PCDHA9: variants seen among roughly 807,000 people sequenced by gnomAD.
PCDHA9 encodes protocadherin alpha 9.
In PCDHA9, 62 loss-of-function variants were observed where a neutral mutation model predicts 62.0. That is an observed-to-expected ratio of 1.00 (90% confidence interval 0.81 to 1.23). The LOEUF (loss-of-function observed/expected upper bound fraction) is 1.23, where lower values mean the gene tolerates loss of function less well. Ranked by LOEUF, PCDHA9 falls within the 50% of genes most tolerant of loss-of-function variation. The probability of loss-of-function intolerance (pLI) is 0.00; values close to 1 mark genes in which losing one functional copy is unlikely to be tolerated. For missense variants in PCDHA9, 1,205 were observed against 1,249.8 expected, an observed-to-expected ratio of 0.96 and a Z score of 0.54; for synonymous variants, 557 against 567.6, an observed-to-expected ratio of 0.98 and a Z score of 0.27.
intron 1 of PCDHA9, chr5:140,884,079 A>G (rs2059982825): frequency 5.6e-6 from 9 of 1,613,504 alleles, no homozygotes; most frequent in South Asian, 3.3e-5. Context: ...TCGGGCTACA[A>G]TGCGTGGCTT....
intron 3 of PCDHA9, among the ~76,000 whole-genome samples, chr5:140,994,613 G>A (rs1452021453): frequency 2.0e-5 from 3 of 152,082 alleles, no homozygotes; most frequent in Admixed American, 6.5e-5. Flanking sequence ...GCTGAGGCAC[G>A]AGAGTCACTT....
chr5:140,926,892 G>A (rs781956892), intron 1 of PCDHA9: 10 of 1,546,640 alleles, frequency 6.5e-6, no homozygotes, highest in African/African-American at 2.7e-5. Context: ...CTAGAGGGAG[G>A]ATGGTGGGCT....
chr5:141,008,199 T>G (rs966441661), intron 3 of PCDHA9, among the ~76,000 whole-genome samples: 3 of 152,338 alleles, frequency 2.0e-5, no homozygotes, highest in Admixed American at 2.0e-4. Flanking sequence ...AGTAATATAA[T>G]GAACTTGACA....
intron 1 of PCDHA9, among the ~76,000 whole-genome samples, chr5:140,943,827 A>T (rs1474835023): frequency 2.0e-5 from 3 of 152,208 alleles, no homozygotes; most frequent in Non-Finnish European, 4.4e-5. Flanking sequence ...AAATGAGTTG[A>T]TTGAAGTTGT....
chr5:140,990,956 G>T (rs1179435982), intron 3 of PCDHA9, among the ~76,000 whole-genome samples: 1 of 152,136 alleles, frequency 6.6e-6, no homozygotes, highest in Non-Finnish European at 1.5e-5. Context: ...TGTAGAAATA[G>T]TCTCTTAGAA....
At chr5:140,920,107 C>A (rs1480708499) in intron 1 of PCDHA9, among the ~76,000 whole-genome samples, 1 of 152,300 alleles carries the variant, frequency 6.6e-6, no homozygotes, top group Non-Finnish European at 1.5e-5. Flanking sequence ...GGGAGTGCAA[C>A]CTTGCCAACA....
At chr5:140,968,229 TC>T in intron 1 of PCDHA9, 2 of 1,613,970 alleles carry the variant, frequency 1.2e-6, no homozygotes, top group Non-Finnish European at 1.7e-6. Flanking sequence ...GGTGTGTTGC[TC>T]TGTACTGTGC....
intron 1 of PCDHA9, among the ~76,000 whole-genome samples, chr5:140,961,617 C>T (rs781986571): frequency 2.0e-5 from 3 of 152,086 alleles, no homozygotes; most frequent in Non-Finnish European, 4.4e-5. Context: ...AACTAAAGTG[C>T]CCATATGAAA....
chr5:140,928,959 T>C (rs782250969), intron 1 of PCDHA9: 1 of 1,613,980 alleles, frequency 6.2e-7, no homozygotes, highest in South Asian at 1.1e-5. Context: ...TTGCCTTGGC[T>C]TGTATTTCCT....
intron 3 of PCDHA9, among the ~76,000 whole-genome samples, chr5:141,007,673 A>C (rs2098339698): frequency 6.6e-6 from 1 of 152,136 alleles, no homozygotes; most frequent in African/African-American, 2.4e-5. Flanking sequence ...ACAAAGACAA[A>C]AGTTATCCTA....
At chr5:140,862,635 C>G in intron 1 of PCDHA9, 1 of 538,778 alleles carries the variant, frequency 1.9e-6, no homozygotes, top group Non-Finnish European at 3.8e-6. Context: ...GCTGCCACGA[C>G]TTCACAGTGT....
intron 1 of PCDHA9, among the ~76,000 whole-genome samples, chr5:140,977,625 T>A (rs2096768746): frequency 6.6e-6 from 1 of 152,144 alleles, no homozygotes; most frequent in Non-Finnish European, 1.5e-5. Flanking sequence ...ATCCCAGAGT[T>A]GTAACTTTTT....
At chr5:140,903,616 T>C (rs1053634742) in intron 1 of PCDHA9, among the ~76,000 whole-genome samples, 72 of 152,338 alleles carry the variant, frequency 4.7e-4, no homozygotes, top group African/African-American at 1.7e-3. Context: ...CACATGAATG[T>C]GCATGCATAT....
At chr5:140,871,293 G>T (rs1206433527) in intron 1 of PCDHA9, 5 of 1,613,794 alleles carry the variant, frequency 3.1e-6, no homozygotes, top group Admixed American at 1.7e-5. Flanking sequence ...CTGAGGGCGC[G>T]TGCGCGCCGG....
intron 1 of PCDHA9, among the ~76,000 whole-genome samples, chr5:140,855,633 AT>A (rs1445956184): frequency 6.7e-6 from 1 of 149,874 alleles, no homozygotes; most frequent in Non-Finnish European, 1.5e-5. Flanking sequence ...AAATTCGGCT[AT>A]TGATAATCAT....
chr5:140,951,150 ATAGT>A (rs33995910), intron 1 of PCDHA9, among the ~76,000 whole-genome samples: 85,202 of 151,324 alleles, frequency 0.56, 24,547 homozygotes, highest in African/African-American at 0.69. Context: ...CTTATTGAAT[ATAGT>A]TATAGTAGCT....
rs2040584005 is a variant in PCDHA9 at position 140,848,752 on chromosome 5, T to C, written c.257T>C (p.Val86Ala). The C allele has an allele frequency of 1.3e-6, 2 of 1,593,188 alleles. No homozygotes were observed. The highest frequency in any genetic ancestry group is 1.7e-6 in the Non-Finnish European group (2 of 1,163,992). The part of the protein sequence containing the change: ...EVNLQNGILF[V>A]NSRIDREELC... Reference sequence around the variant, plus strand: ...AATCTGCAGAATGGCATTTTGTTTGTGAATTCTCGGATCGACCGCGAGGAG... The same window carrying C: ...AATCTGCAGAATGGCATTTTGTTTGCGAATTCTCGGATCGACCGCGAGGAG... Residue 86 changes from valine to alanine, a missense_variant, in exon 1 of 4, where the codon GTG becomes GCG. By Grantham distance (64) the Val-to-Ala change is moderately conservative. Coordinates refer to ENST00000532602, the MANE Select transcript of PCDHA9 (RefSeq NM_031857.2).
intron 1 of PCDHA9, chr5:140,930,379 G>T (rs1249793792): frequency 6.6e-6 from 1 of 151,896 alleles, no homozygotes; most frequent in African/African-American, 2.4e-5. Flanking sequence ...GTGGCCCTTG[G>T]CATTTCAAAA....
At chr5:140,926,859 G>A in intron 1 of PCDHA9, 1 of 1,521,332 alleles carries the variant, frequency 6.6e-7, no homozygotes, top group Non-Finnish European at 8.8e-7. Context: ...CGTTGGTGTA[G>A]CGTGTTGGTG....
Sources: gnomAD v4.1 joint callset for allele counts (sites outside exome capture counted in the v4.1 genomes callset) on GRCh38, gnomAD v4.1.1 for gene constraint, MANE v1.5 for transcripts, NCBI Gene and HGNC (gene_info 2026-07-23, HGNC 2026-07-21) for gene names.